The following FAT3 variants were observed in gnomAD, a reference collection of about 807,000 sequenced individuals.
The protein encoded by FAT3 is FAT atypical cadherin 3.
In FAT3, 95 loss-of-function variants were observed where a neutral mutation model predicts 310.2. That is an observed-to-expected ratio of 0.31 (90% CI 0.26 to 0.36). The LOEUF is 0.36. FAT3 is among the 10% of genes least tolerant of loss of function. The probability of loss-of-function intolerance (pLI) is 1.00; values close to 1 mark genes in which losing one functional copy is unlikely to be tolerated. For synonymous variants in FAT3, 2,314 were observed against 2,192.9 expected (o/e 1.06, Z -1.54); for missense variants, 5,408 against 5,715.6 (o/e 0.95, Z 1.74).
At chr11:92,342,484 G>C (rs1291958120) in intron 1 of FAT3, among the ~76,000 whole-genome samples, 1 of 152,154 alleles carries the variant, frequency 6.6e-6, no homozygotes, top group African/African-American at 2.4e-5. Context: ...TGGCTAAAAA[G>C]ATGTTAACTT....
intron 4 of FAT3, among the ~76,000 whole-genome samples, chr11:92,751,356 A>G (rs141817265): frequency 4.3e-4 from 66 of 152,324 alleles, no homozygotes; most frequent in African/African-American, 9.6e-4. Context: ...GAGTGCCTAC[A>G]TGTGGTTAAC....
At chr11:92,415,794 A>C (rs1950395439) in intron 2 of FAT3, among the ~76,000 whole-genome samples, 1 of 149,578 alleles carries the variant, frequency 6.7e-6, no homozygotes, top group Admixed American at 6.7e-5. Flanking sequence ...AAGTTGATAA[A>C]TGTGTGAATA....
chr11:92,691,074 G>A (rs930806973), intron 3 of FAT3, among the ~76,000 whole-genome samples: 1 of 152,176 alleles, frequency 6.6e-6, no homozygotes, highest in Non-Finnish European at 1.5e-5. Context: ...GCCGGGCACA[G>A]AACCATTGAG....
intron 3 of FAT3, among the ~76,000 whole-genome samples, chr11:92,592,596 A>G (rs1939495110): frequency 6.6e-6 from 1 of 151,984 alleles, no homozygotes; most frequent in Non-Finnish European, 1.5e-5. Flanking sequence ...CTGGGATTAC[A>G]GGCGTGAGCC....
intron 2 of FAT3, among the ~76,000 whole-genome samples, chr11:92,431,595 G>T (rs1414064031): frequency 6.6e-6 from 1 of 152,144 alleles, no homozygotes; most frequent in African/African-American, 2.4e-5. Context: ...CCATGCCTAT[G>T]TCCTGAATGG....
chr11:92,510,395 G>C (rs759049570), intron 2 of FAT3, among the ~76,000 whole-genome samples: 9 of 152,110 alleles, frequency 5.9e-5, no homozygotes, highest in Non-Finnish European at 1.0e-4. Context: ...AGGATTTGAG[G>C]CTGGGAATCA....
rs74954663 is a variant in FAT3, at chr11:92,261,673, C to T, written c.-18+36499C>T. 2.4e-4 allele frequency among the ~76,000 whole-genome samples: 36 copies of T among 152,098 alleles called. No homozygotes were observed. In the East Asian group the frequency reaches 5.8e-3, roughly 25 times the overall value. On this transcript the variant is annotated intron_variant, in intron 1 of 27. Transcript: ENST00000525166. ...ATCTAAGGGCCTTGTAGCTTCCAAA[C>T]GTTTGTATTATTCCAATCCCTGGGT...
At chr11:92,855,320 C>A (rs1338133291) in intron 19 of FAT3, among the ~76,000 whole-genome samples, 3 of 152,200 alleles carry the variant, frequency 2.0e-5, no homozygotes, top group Non-Finnish European at 4.4e-5. Flanking sequence ...TTAAAATATT[C>A]CCTTCCTTTG....
At chr11:92,550,231 G>T (rs970521673) in intron 3 of FAT3, among the ~76,000 whole-genome samples, 1 of 151,962 alleles carries the variant, frequency 6.6e-6, no homozygotes, top group South Asian at 2.1e-4. Context: ...TTCCAAAAGG[G>T]GTCTTTTTTT....
At chr11:92,307,231 C>G (rs1300275094) in intron 1 of FAT3, among the ~76,000 whole-genome samples, 4 of 135,052 alleles carry the variant, frequency 3.0e-5, no homozygotes, top group Non-Finnish European at 1.5e-5. Context: ...TGAGGCAGTT[C>G]CATACAAGAT....
At chr11:92,258,702 T>G (rs1458285010) in intron 1 of FAT3, among the ~76,000 whole-genome samples, 1 of 152,044 alleles carries the variant, frequency 6.6e-6, no homozygotes, top group African/African-American at 2.4e-5. Flanking sequence ...CTTAACATTA[T>G]GATGAGAACC....
intron 3 of FAT3, among the ~76,000 whole-genome samples, chr11:92,679,876 G>A (rs972996819): frequency 4.6e-4 from 65 of 140,462 alleles, no homozygotes; most frequent in Non-Finnish European, 8.7e-4. Context: ...AAAGTTGAAC[G>A]TTTTTTCAAA....
At chr11:92,680,790 A>C (rs1943459751) in intron 3 of FAT3, among the ~76,000 whole-genome samples, 1 of 152,186 alleles carries the variant, frequency 6.6e-6, no homozygotes, top group African/African-American at 2.4e-5. Flanking sequence ...TGGGTAAAAA[A>C]GCTTAAGCTC....
chr11:92,416,246 T>C (rs1234230380), intron 2 of FAT3, among the ~76,000 whole-genome samples: 1 of 147,366 alleles, frequency 6.8e-6, no homozygotes, highest in Non-Finnish European at 1.5e-5. Flanking sequence ...TAGCCAGGTG[T>C]GGTGGCACGC....
chr11:92,513,558 G>A (rs903750459), intron 2 of FAT3, among the ~76,000 whole-genome samples: 7 of 152,070 alleles, frequency 4.6e-5, no homozygotes, highest in African/African-American at 1.7e-4. Context: ...TTAATATTAG[G>A]AAAGATTAGG....
intron 2 of FAT3, among the ~76,000 whole-genome samples, chr11:92,493,082 C>T (rs502030): frequency 0.47 from 71,915 of 151,832 alleles, 17,250 homozygotes; most frequent in Middle Eastern, 0.58. Flanking sequence ...TATTTTTATG[C>T]TTTCTTCTCT....
intron 4 of FAT3, among the ~76,000 whole-genome samples, chr11:92,719,770 GTA>G (rs1370533839): frequency 4.4e-5 from 6 of 136,892 alleles, no homozygotes; most frequent in Non-Finnish European, 7.9e-5. Context: ...GTGTGTGTGT[GTA>G]TAATTTTCTG....
intron 23 of FAT3, among the ~76,000 whole-genome samples, chr11:92,881,127 G>A (rs1021392947): frequency 1.3e-4 from 20 of 152,216 alleles, no homozygotes; most frequent in African/African-American, 4.8e-4. Flanking sequence ...TCAAAATTGT[G>A]TATGATTACT....
At chr11:92,413,294 A>AATAGC (rs1950337071) in intron 2 of FAT3, among the ~76,000 whole-genome samples, 1 of 152,188 alleles carries the variant, frequency 6.6e-6, no homozygotes, top group African/African-American at 2.4e-5. Flanking sequence ...AAATAGGGAG[A>AATAGC]ATAGCATTCC....
Sources: allele counts gnomAD v4.1 joint callset (sites outside exome capture counted in the v4.1 genomes callset), GRCh38; gene constraint gnomAD v4.1.1; transcripts MANE v1.5; gene names NCBI Gene and HGNC (gene_info 2026-07-23, HGNC 2026-07-21).